ADAMTSL3: variants seen among roughly 807,000 people sequenced by gnomAD.
The protein encoded by ADAMTSL3 is ADAMTS like 3.
In ADAMTSL3, 128 loss-of-function variants were observed where a neutral mutation model predicts 201.7. The observed-to-expected ratio is 0.63, with a 90% CI of 0.55 to 0.73. The LOEUF is 0.73. Ranked by LOEUF, ADAMTSL3 falls within the 30% of genes least tolerant of loss-of-function variation. The pLI is 0.00. For synonymous variants in ADAMTSL3, 738 were observed against 748.4 expected (o/e 0.99, Z 0.23); for missense variants, 1,990 against 2,119.6 (o/e 0.94, Z 1.20).
chr15:83,864,101 T>C (rs2064924906), intron 8 of ADAMTSL3, among the ~76,000 whole-genome samples: 1 of 152,172 alleles, frequency 6.6e-6, no homozygotes, highest in African/African-American at 2.4e-5. Flanking sequence ...TAACAGGCTC[T>C]GAAATTGAGG....
Position 83,982,754 on chromosome 15 carries a change from C to T in ADAMTSL3, c.3126C>T (p.Asp1042=), listed in dbSNP as rs1410040072. The stretch of plus-strand genomic sequence containing the variant: ...GGCAAATGTGGAATAACAAAAATGA[C>T]CTTTATCTGGATGATGACCACATTA... The part of the protein sequence containing the change: ...KMRQMWNNKN[D]LYLDDDHISN... Residue 1042 remains aspartate (D), a synonymous_variant, in exon 21 of 30, where the codon GAC becomes GAT. Transcript: ENST00000286744. 1.9e-6 allele frequency: 3 copies of T among 1,613,902 alleles called. No homozygotes were observed. Among genetic ancestry groups the T allele is most frequent in the East Asian group, 4.5e-5 (2 of 44,896 alleles).
chr15:83,738,355 A>G (rs2062400834), intron 3 of ADAMTSL3, among the ~76,000 whole-genome samples: 1 of 152,178 alleles, frequency 6.6e-6, no homozygotes, highest in African/African-American at 2.4e-5. Context: ...TTTTAGAGAT[A>G]TTTTATGTGT....
intron 15 of ADAMTSL3, among the ~76,000 whole-genome samples, chr15:83,900,949 C>G (rs1223945399): frequency 6.6e-6 from 1 of 152,180 alleles, no homozygotes; most frequent in African/African-American, 2.4e-5. Context: ...TTCCCAACCT[C>G]CTGTGCTTTT....
Position 83,943,392 on chromosome 15 carries a change from T to C in ADAMTSL3, c.2490+310T>C, listed in dbSNP as rs562401999. Among the ~76,000 whole-genome samples the C allele has an allele frequency of 7.9e-5, 12 of 152,360 alleles. No individual in the cohort carries two copies. In the South Asian group the frequency reaches 2.5e-3, roughly 32 times the overall value. ...TCCCAGGATAAACTCAGAATCACTT[T>C]GGTTCCTCTCTTCCTTGTGTCCTCC... On this transcript the variant is annotated intron_variant, in intron 19 of 29. Coordinates refer to ENST00000286744, the MANE Select transcript of ADAMTSL3 (RefSeq NM_207517.3).
At chr15:83,725,926 G>C (rs1328523639) in intron 3 of ADAMTSL3, among the ~76,000 whole-genome samples, 2 of 152,072 alleles carry the variant, frequency 1.3e-5, no homozygotes, top group Non-Finnish European at 2.9e-5. Flanking sequence ...CTCTTTCTGT[G>C]AAGAATGTCA....
chr15:83,792,526 GT>G (rs2063359626), intron 4 of ADAMTSL3, among the ~76,000 whole-genome samples: 1 of 152,202 alleles, frequency 6.6e-6, no homozygotes, highest in African/African-American at 2.4e-5. Context: ...GCTTATGCCT[GT>G]AATCCCAGCA....
chr15:83,973,493 C>T (rs1393939596), intron 20 of ADAMTSL3, among the ~76,000 whole-genome samples: 2 of 152,162 alleles, frequency 1.3e-5, no homozygotes, highest in Non-Finnish European at 2.9e-5. Context: ...GTTCCCTAGC[C>T]TGAGCCACCA....
chr15:83,775,720 T>C (rs1330611844), intron 4 of ADAMTSL3, among the ~76,000 whole-genome samples: 1 of 152,188 alleles, frequency 6.6e-6, no homozygotes, highest in Non-Finnish European at 1.5e-5. Context: ...GTGAGCACTT[T>C]GATGGATTTT....
chr15:83,667,377 C>T (rs1280024658), intron 2 of ADAMTSL3, among the ~76,000 whole-genome samples: 1 of 152,094 alleles, frequency 6.6e-6, no homozygotes, highest in Non-Finnish European at 1.5e-5. Flanking sequence ...GTTCTCTTGT[C>T]TTAAATGGCA....
chr15:83,961,556 A>C (rs1466820402), intron 19 of ADAMTSL3: 1 of 152,188 alleles, frequency 6.6e-6, no homozygotes, highest in Non-Finnish European at 1.5e-5. Context: ...ATAAACTAAA[A>C]ATTCTCATCT....
At chr15:83,803,388 T>G (rs2063553550) in intron 4 of ADAMTSL3, among the ~76,000 whole-genome samples, 1 of 152,208 alleles carries the variant, frequency 6.6e-6, no homozygotes, top group South Asian at 2.1e-4. Context: ...CTATCCACTT[T>G]AAAATTATTT....
At chr15:83,912,390 TA>T (rs1251812205) in intron 15 of ADAMTSL3, among the ~76,000 whole-genome samples, 2 of 152,174 alleles carry the variant, frequency 1.3e-5, no homozygotes, top group African/African-American at 4.8e-5. Context: ...TTTAAAAACA[TA>T]AAAATGATTC....
intron 19 of ADAMTSL3, among the ~76,000 whole-genome samples, chr15:83,963,329 C>T (rs749932010): frequency 5.3e-5 from 8 of 152,316 alleles, no homozygotes; most frequent in East Asian, 1.9e-4. Flanking sequence ...GGGGAAGGGG[C>T]GTCCACCATT....
chr15:83,827,838 T>C (rs533606799), intron 6 of ADAMTSL3, among the ~76,000 whole-genome samples: 163 of 151,850 alleles, frequency 1.1e-3, no homozygotes, highest in African/African-American at 3.8e-3. Flanking sequence ...AGATGTGTGG[T>C]ATTATTTCTG....
chr15:83,803,300 A>G (rs1197166660), intron 4 of ADAMTSL3, among the ~76,000 whole-genome samples: 2 of 152,186 alleles, frequency 1.3e-5, no homozygotes, highest in African/African-American at 4.8e-5. Context: ...AGCATATGCA[A>G]TGAGTTTTAC....
At chr15:83,779,432 C>T (rs978004714) in intron 4 of ADAMTSL3, among the ~76,000 whole-genome samples, 12 of 152,236 alleles carry the variant, frequency 7.9e-5, no homozygotes, top group African/African-American at 2.9e-4. Context: ...GGTGCAGTGG[C>T]TCATGCCTGT....
At chr15:83,763,133 C>A (rs1381663602) in intron 3 of ADAMTSL3, among the ~76,000 whole-genome samples, 1 of 152,174 alleles carries the variant, frequency 6.6e-6, no homozygotes, top group Non-Finnish European at 1.5e-5. Flanking sequence ...CAAGTGATTC[C>A]CCCCACCTCA....
At chr15:83,855,698 A>G (rs2064717008) in intron 7 of ADAMTSL3, among the ~76,000 whole-genome samples, 1 of 152,188 alleles carries the variant, frequency 6.6e-6, no homozygotes, top group African/African-American at 2.4e-5. Flanking sequence ...TTTTTCTTTG[A>G]TAATTACTGC....
chr15:83,802,233 G>T (rs964196528), intron 4 of ADAMTSL3, among the ~76,000 whole-genome samples: 6 of 152,082 alleles, frequency 3.9e-5, no homozygotes, highest in Non-Finnish European at 7.4e-5. Flanking sequence ...TGAAAGGACT[G>T]GGATTTGTTT....
Sources: allele counts gnomAD v4.1 joint callset (sites outside exome capture counted in the v4.1 genomes callset), GRCh38; gene constraint gnomAD v4.1.1; transcripts MANE v1.5; gene names NCBI Gene and HGNC (gene_info 2026-07-23, HGNC 2026-07-21).